IKZF2: variants seen among roughly 807,000 people sequenced by gnomAD.
IKZF2 encodes the protein zinc finger protein Helios.
In IKZF2, 15 loss-of-function variants were observed where a neutral mutation model predicts 49.2. That is an observed-to-expected ratio of 0.30 (90% CI 0.20 to 0.47). The LOEUF (loss-of-function observed/expected upper bound fraction) is 0.47, where lower values mean the gene tolerates loss of function less well. Among genes scored for constraint, IKZF2 ranks in the 20% least tolerant of loss-of-function variants. The pLI, the probability that IKZF2 is intolerant of heterozygous loss-of-function variation, is 1.00. For synonymous variants in IKZF2, 227 were observed against 221.4 expected (o/e 1.03, Z -0.23); for missense variants, 567 against 664.6 (o/e 0.85, Z 1.61).
chr2:213,063,327 A>G (rs1028752090), intron 4 of IKZF2, among the ~76,000 whole-genome samples: 1 of 152,004 alleles, frequency 6.6e-6, no homozygotes, highest in Non-Finnish European at 1.5e-5. Context: ...TACTGTTATT[A>G]TTCCAACAAT....
chr2:213,051,092 C>T (rs1256799116), intron 5 of IKZF2, among the ~76,000 whole-genome samples: 1 of 151,896 alleles, frequency 6.6e-6, no homozygotes, highest in Non-Finnish European at 1.5e-5. Context: ...AACTGAAACA[C>T]ACATAATAAT....
intron 4 of IKZF2, among the ~76,000 whole-genome samples, chr2:213,071,971 C>T (rs1385727430): frequency 6.6e-6 from 1 of 151,932 alleles, no homozygotes; most frequent in Non-Finnish European, 1.5e-5. Flanking sequence ...CTCTTCAACC[C>T]ATTATATTCA....
chr2:213,127,045 A>G (rs1166561036), intron 4 of IKZF2, among the ~76,000 whole-genome samples: 3 of 152,178 alleles, frequency 2.0e-5, no homozygotes, highest in Non-Finnish European at 4.4e-5. Context: ...CAACCACAAT[A>G]TGGAATGGTG....
intron 4 of IKZF2, among the ~76,000 whole-genome samples, chr2:213,066,615 A>C (rs1702190088): frequency 6.6e-6 from 1 of 152,044 alleles, no homozygotes; most frequent in Non-Finnish European, 1.5e-5. Flanking sequence ...GAAAGAGAAA[A>C]CTTGTGGTGA....
chr2:213,099,335 T>C (rs1190994243), intron 4 of IKZF2, among the ~76,000 whole-genome samples: 2 of 152,166 alleles, frequency 1.3e-5, no homozygotes, highest in Non-Finnish European at 2.9e-5. Flanking sequence ...ATATGAAGAG[T>C]AGAGAGATGC....
At chr2:213,049,293 A>T (rs1299599034) in intron 6 of IKZF2, among the ~76,000 whole-genome samples, 1 of 152,064 alleles carries the variant, frequency 6.6e-6, no homozygotes, top group Non-Finnish European at 1.5e-5. Context: ...TATTTTCCAC[A>T]GAGATCCCAG....
At position 213,151,403 on chromosome 2, in the gene IKZF2, G is replaced by A. The variant is rs1409104088; in HGVS notation, c.-120+10C>T. The stretch of plus-strand genomic sequence containing the variant: ...GTTCTTCACCACGCAAAAGCCAAGC[G>A]GAGATTTACCTCAGCAGTGCATGCA... On this transcript the variant is annotated intron_variant, in intron 1 of 8. Transcript: ENST00000434687. 1 of 152,368 alleles carries A rather than the reference G, an allele frequency of 6.6e-6. No individual in the cohort carries two copies. The highest frequency in any genetic ancestry group is 1.9e-4 in the East Asian group (1 of 5,194). 9.4% of individuals were successfully genotyped at this position (152,368 alleles called of 1,614,324 possible).
rs760105121 is a variant in IKZF2 at position 213,008,025 on chromosome 2, C to T, written c.916G>A (p.Glu306Lys). ...GACTGCATCAGCTCAGCCTCCTTCT[C>T]ATATGTTAAGTTCATATCAAAGTGA... Reference protein sequence around the residue: ...DIHFDMNLTYEKEAELMQSHM... With the variant: ...DIHFDMNLTYKKEAELMQSHM... Residue 306 changes from glutamate (E) to lysine (K), a missense_variant, in exon 9 of 9, where the codon GAG becomes AAG. Coordinates refer to ENST00000434687, the MANE Select transcript of IKZF2 (RefSeq NM_001387220.1). The T allele has an allele frequency of 6.2e-7, 1 of 1,612,362 alleles. No individual in the cohort carries two copies. Among genetic ancestry groups the T allele is most frequent in the Admixed American group, 1.7e-5 (1 of 59,808 alleles).
chr2:213,129,346 G>T (rs150586836), intron 4 of IKZF2, among the ~76,000 whole-genome samples: 1 of 147,540 alleles, frequency 6.8e-6, no homozygotes, highest in African/African-American at 2.5e-5. Context: ...GCAAAGCCTC[G>T]CCAAGGAGGC....
intron 3 of IKZF2, 30 bp downstream of exon 3, chr2:213,148,566 A>G (rs1400539297): frequency 6.5e-7 from 1 of 1,545,332 alleles, no homozygotes; most frequent in Non-Finnish European, 8.9e-7. Context: ...CTTTATTACC[A>G]ATAACAAATC....
intron 4 of IKZF2, among the ~76,000 whole-genome samples, chr2:213,115,524 G>A (rs935890833): frequency 8.5e-5 from 13 of 152,150 alleles, no homozygotes; most frequent in Non-Finnish European, 1.8e-4. Context: ...AGCTTGCCTG[G>A]CTAACCAGGC....
chr2:213,143,736 A>G (rs2060951306), intron 4 of IKZF2, among the ~76,000 whole-genome samples: 1 of 151,960 alleles, frequency 6.6e-6, no homozygotes, highest in Admixed American at 6.6e-5. Context: ...AAAACTCAGA[A>G]AGCTGGTAAG....
At chr2:213,144,664 A>G (rs183454068) in intron 4 of IKZF2, among the ~76,000 whole-genome samples, 14 of 152,136 alleles carry the variant, frequency 9.2e-5, no homozygotes, top group Admixed American at 9.2e-4. Context: ...CCATCAAGGC[A>G]TATACTGTCA....
intron 4 of IKZF2, among the ~76,000 whole-genome samples, chr2:213,098,465 A>C (rs921535418): frequency 6.6e-6 from 1 of 151,622 alleles, no homozygotes. Context: ...TCAACAAATG[A>C]TCACCCTTAC....
intron 4 of IKZF2, among the ~76,000 whole-genome samples, chr2:213,115,213 A>AT (rs2059831936): frequency 1.3e-5 from 2 of 152,208 alleles, no homozygotes; most frequent in African/African-American, 4.8e-5. Context: ...GTTTTAATCA[A>AT]TGTCAGGCAC....
chr2:213,141,626 TC>T (rs1308108818), intron 4 of IKZF2, among the ~76,000 whole-genome samples: 1 of 151,862 alleles, frequency 6.6e-6, no homozygotes, highest in Non-Finnish European at 1.5e-5. Context: ...ATTTAATAAG[TC>T]TCGGCTCAAG....
intron 4 of IKZF2, among the ~76,000 whole-genome samples, chr2:213,134,311 A>G (rs1375987676): frequency 1.3e-5 from 2 of 152,222 alleles, no homozygotes; most frequent in Admixed American, 6.5e-5. Flanking sequence ...TGGCAGCCTT[A>G]CAGTCTCCCT....
intron 6 of IKZF2, among the ~76,000 whole-genome samples, chr2:213,044,985 A>G (rs936600035): frequency 2.0e-5 from 3 of 152,152 alleles, no homozygotes; most frequent in African/African-American, 7.2e-5. Flanking sequence ...AAACTGTAGT[A>G]AAAAAACAAG....
chr2:213,147,922 T>A, intron 3 of IKZF2, 110 bp from the exon 4 acceptor site: 1 of 713,380 alleles, frequency 1.4e-6, no homozygotes, highest in Non-Finnish European at 2.4e-6. Context: ...AACTGTAAGG[T>A]AATACATTTT....
Sources: allele counts gnomAD v4.1 joint callset (sites outside exome capture counted in the v4.1 genomes callset), GRCh38; gene constraint gnomAD v4.1.1; transcripts MANE v1.5; gene names NCBI Gene and HGNC (gene_info 2026-07-23, HGNC 2026-07-21).